The following PHYHIP variants were observed in gnomAD, a reference collection of about 807,000 sequenced individuals.
PHYHIP encodes phytanoyl-CoA 2-hydroxylase interacting protein.
In PHYHIP, 7 loss-of-function variants were observed where a neutral mutation model predicts 26.1. That is an observed-to-expected ratio of 0.27 (90% CI 0.15 to 0.50). The LOEUF (loss-of-function observed/expected upper bound fraction) is 0.50. Among genes scored for constraint, PHYHIP ranks in the 20% least tolerant of loss-of-function variants. The pLI is 0.98. For synonymous variants in PHYHIP, 206 were observed against 183.4 expected, an observed-to-expected ratio of 1.12 and a Z score of -1.00; for missense variants, 232 against 454.7, an observed-to-expected ratio of 0.51 and a Z score of 4.45.
chr8:22,231,119 A>G (rs12541373), intron 1 of PHYHIP, among the ~76,000 whole-genome samples: 42,868 of 152,114 alleles, frequency 0.28, 7,064 homozygotes, highest in Middle Eastern at 0.43. Flanking sequence ...AGGTTTGTGC[A>G]CCTACGTGGC....
intron 3 of PHYHIP, among the ~76,000 whole-genome samples, chr8:22,225,760 A>C (rs1214756186): frequency 6.6e-6 from 1 of 150,916 alleles, no homozygotes; most frequent in African/African-American, 2.4e-5. Flanking sequence ...AGCCGAGATC[A>C]CGCCACTGCA....
At position 22,226,906 on chromosome 8, in the gene PHYHIP, G is replaced by C; in HGVS notation, c.285C>G (p.Ser95Arg). The C allele has an allele frequency of 6.2e-7, 1 of 1,614,112 alleles. No homozygotes were observed. The highest frequency in any genetic ancestry group is 8.5e-7 in the Non-Finnish European group (1 of 1,180,018). Residue 95 changes from serine to arginine, a missense_variant, in exon 3 of 5, where the codon AGC becomes AGG. Coordinates refer to ENST00000454243, the MANE Select transcript of PHYHIP (RefSeq NM_014759.5). ...SVAVQTAVKQ[S>R]DGEYLVSGWS... is the part of the protein sequence containing the mutation. ...AGCCGGACACCAGGTACTCCCCATC[G>C]CTCTGCTTCACTGCCGTCTGCACGG...
At chr8:22,224,371 G>GA in intron 3 of PHYHIP, 28 bp from the exon 4 acceptor site, 1 of 1,349,446 alleles carries the variant, frequency 7.4e-7, no homozygotes, top group South Asian at 1.2e-5. Context: ...CGGTAGGTGA[G>GA]CCGAGGGCCA....
intron 3 of PHYHIP, among the ~76,000 whole-genome samples, chr8:22,225,449 A>G (rs1051658660): frequency 3.3e-5 from 5 of 151,954 alleles, no homozygotes; most frequent in African/African-American, 1.2e-4. Context: ...AGCCATGATC[A>G]TGCCACTGCA....
Position 22,221,253 on chromosome 8 carries a change from A to G in PHYHIP, c.*100T>C. On this transcript the variant is annotated 3_prime_UTR_variant, in exon 5 of 5. Transcript: ENST00000454243. This position sits in a 1 kb window ranked among gnomAD's most constrained non-coding sequence, Gnocchi z 7.9. Reference sequence around the variant, plus strand: ...GAGGGCAGCTGGGCAGAGTGGAGGGAGCAGGGGGGCAGGAGAGAGAAAGCC... The same window carrying G: ...GAGGGCAGCTGGGCAGAGTGGAGGGGGCAGGGGGGCAGGAGAGAGAAAGCC... 1 of 1,133,964 alleles carries G rather than the reference A, an allele frequency of 8.8e-7. No individual in the cohort carries two copies. The highest frequency in any genetic ancestry group is 1.2e-6 in the Non-Finnish European group (1 of 817,022). The allele number at this position is 1,133,964 out of a possible 1,614,324, so 70.2% of individuals were successfully genotyped here. A position where few individuals can be genotyped will look rare whatever the true frequency, so the allele number is the denominator to read the frequency against.
At chr8:22,223,092 G>A (rs1180261770) in intron 4 of PHYHIP, among the ~76,000 whole-genome samples, 2 of 152,098 alleles carry the variant, frequency 1.3e-5, no homozygotes, top group Non-Finnish European at 2.9e-5. Context: ...GCCGGGCGTG[G>A]TGGCTCATGC....
chr8:22,223,341 G>A (rs1337927130), intron 4 of PHYHIP, among the ~76,000 whole-genome samples: 1 of 141,498 alleles, frequency 7.1e-6, no homozygotes, highest in Admixed American at 7.5e-5. Flanking sequence ...CAGCCTGGGT[G>A]ACAGAGAAGA....
intron 3 of PHYHIP, among the ~76,000 whole-genome samples, chr8:22,226,414 G>C (rs1829745630): frequency 6.6e-6 from 1 of 152,172 alleles, no homozygotes; most frequent in African/African-American, 2.4e-5. Flanking sequence ...AATGGGTATA[G>C]AGTTTTGGTT....
intron 3 of PHYHIP, among the ~76,000 whole-genome samples, chr8:22,224,909 G>A (rs1459213768): frequency 1.3e-5 from 2 of 152,142 alleles, no homozygotes; most frequent in Admixed American, 1.3e-4. Context: ...GGAGAAACAG[G>A]GAAGGCTGGA....
chr8:22,221,689 G>C lies in PHYHIP; in HGVS notation c.657C>G (p.Asn219Lys). ...TGCAGTAGAAGTCCGCAAAGTAGAG[G>C]TTGGTGCTGGGATTGAAGAGGCGCT... is the stretch of plus-strand genomic sequence containing the variant. ...PAQRLFNPST[N>K]LYFADFYCMY... The change falls in exon 5 of 5, where the codon AAC becomes AAG. Residue 219 changes from asparagine (N) to lysine (K), a missense_variant. By Grantham distance (94) the Asn-to-Lys change is moderately conservative (BLOSUM62 0). Coordinates refer to ENST00000454243, the MANE Select transcript of PHYHIP (RefSeq NM_014759.5). This position sits in a 1 kb window ranked among gnomAD's most constrained non-coding sequence, Gnocchi z 7.9. The C allele has an allele frequency of 6.2e-7, 1 of 1,613,060 alleles. No homozygotes were observed. The highest frequency in any genetic ancestry group is 8.5e-7 in the Non-Finnish European group (1 of 1,179,682).
rs145385890 is a variant in PHYHIP at position 22,230,215 on chromosome 8, G to GCA, written c.-30+1579_-30+1580dup. Among the ~76,000 whole-genome samples, 506 of 150,936 alleles carry GCA rather than the reference G, an allele frequency of 3.4e-3. 3 individuals are homozygous for GCA. The highest frequency in any genetic ancestry group is 0.011 in the African/African-American group (445 of 41,148). On this transcript the variant is annotated intron_variant, in intron 1 of 4. Transcript: ENST00000454243. ...ACATGTGCCCCTCACACACACACAC[G>GCA]CACACACACACACGAACACAGACAC...
At chr8:22,223,013 A>G (rs1392090714) in intron 4 of PHYHIP, among the ~76,000 whole-genome samples, 1 of 151,900 alleles carries the variant, frequency 6.6e-6, no homozygotes, top group Non-Finnish European at 1.5e-5. Flanking sequence ...ACAAACCCCA[A>G]AGACTCCCAA....
chr8:22,223,167 A>G (rs2131921765), intron 4 of PHYHIP, among the ~76,000 whole-genome samples: 1 of 151,968 alleles, frequency 6.6e-6, no homozygotes, highest in African/African-American at 2.4e-5. Flanking sequence ...GTTTGAGACC[A>G]GCCTGGCCAA....
rs1829835816 is a variant in PHYHIP at position 22,230,079 on chromosome 8, C to T, written c.-29-1693G>A. On this transcript the variant is annotated intron_variant, in intron 1 of 4. Coordinates refer to ENST00000454243, the MANE Select transcript of PHYHIP (RefSeq NM_014759.5). ...AAATCAGGCAGATGGGATTGAGTGT[C>T]TGGAAACAACCCTACCATAATAAAC... Among the ~76,000 whole-genome samples the T allele has an allele frequency of 2.6e-5, 4 of 152,214 alleles. No individual in the cohort carries two copies. In the South Asian group the frequency reaches 8.3e-4, roughly 32 times the overall value.
At chr8:22,225,343 G>A (rs897939176) in intron 3 of PHYHIP, among the ~76,000 whole-genome samples, 1 of 152,108 alleles carries the variant, frequency 6.6e-6, no homozygotes, top group Non-Finnish European at 1.5e-5. Flanking sequence ...CAGGAATGGT[G>A]GCATGTGCCT....
intron 1 of PHYHIP, among the ~76,000 whole-genome samples, chr8:22,230,853 A>T (rs1243309505): frequency 6.6e-6 from 1 of 152,018 alleles, no homozygotes; most frequent in Non-Finnish European, 1.5e-5. Context: ...ACGCACACAC[A>T]CGTCCACGCA....
In PHYHIP at chr8:22,228,340, C is replaced by G; in HGVS notation, c.18G>C (p.Thr6=). 1 of 1,599,946 alleles carries G rather than the reference C, an allele frequency of 6.3e-7. No homozygotes were observed. Residue 6 remains threonine (T), a synonymous_variant, in exon 2 of 5, where the codon ACG becomes ACC. Transcript: ENST00000454243. MELLS[T]PHSIEINNIT... is the part of the protein sequence containing the mutation. ...TGTTGTTGATCTCAATGCTGTGGGGCGTGGACAGCAGCTCCATGCTCCCGT... is the reference window on the plus strand; with the variant it reads ...TGTTGTTGATCTCAATGCTGTGGGGGGTGGACAGCAGCTCCATGCTCCCGT...
chr8:22,228,057 C>A, intron 2 of PHYHIP, 136 bp downstream of exon 2: 2 of 734,666 alleles, frequency 2.7e-6, no homozygotes, highest in Non-Finnish European at 4.7e-6. Flanking sequence ...AAGTAACTTT[C>A]CCAAAATGAC....
Position 22,227,032 on chromosome 8 carries a change from AACAGGGT to A in PHYHIP, c.166-14_166-8del, listed in dbSNP as rs1223578033. On this transcript the variant is annotated splice_region_variant and splice_polypyrimidine_tract_variant and intron_variant, in intron 2 of 4. Transcript: ENST00000454243. ...CGAGCTTGGTGGGGACGTCCTGAGAAACAGGGTACAAACAGAGAGCCAGGCGTCAAAC... is the reference window on the plus strand; with the variant it reads ...CGAGCTTGGTGGGGACGTCCTGAGAAACAAACAGAGAGCCAGGCGTCAAAC... The A allele has an allele frequency of 9.3e-6, 15 of 1,607,390 alleles. No homozygotes were observed. Among genetic ancestry groups the A allele is most frequent in the Non-Finnish European group, 1.3e-5 (15 of 1,177,546 alleles).
Sources: allele counts gnomAD v4.1 joint callset (sites outside exome capture counted in the v4.1 genomes callset), GRCh38; gene constraint gnomAD v4.1.1; non-coding constraint Gnocchi (gnomAD v3.1); transcripts MANE v1.5; gene names NCBI Gene and HGNC (gene_info 2026-07-23, HGNC 2026-07-21).